CDH20: variants seen among roughly 807,000 people sequenced by gnomAD.
CDH20 encodes the protein cadherin 20.
CDH20 carries 29 observed loss-of-function variants against 74.2 expected under a neutral mutation model. The ratio of observed to expected loss-of-function variants is 0.39; its 90% CI spans 0.29 to 0.53. The LOEUF is 0.53. Ranked by LOEUF, CDH20 falls within the 20% of genes least tolerant of loss-of-function variation. The pLI is 0.69. For missense variants in CDH20, 988 were observed against 1,048.3 expected, an observed-to-expected ratio of 0.94 and a Z score of 0.79; for synonymous variants, 469 against 405.4, an observed-to-expected ratio of 1.16 and a Z score of -1.88.
chr18:61,506,759 A>T (rs997543791), intron 5 of CDH20, among the ~76,000 whole-genome samples: 1 of 152,186 alleles, frequency 6.6e-6, no homozygotes, highest in Admixed American at 6.5e-5. Context: ...AACAAGAAGC[A>T]TGAAGGGTCT....
At chr18:61,502,418 C>G (rs951407409) in intron 4 of CDH20, among the ~76,000 whole-genome samples, 1 of 152,090 alleles carries the variant, frequency 6.6e-6, no homozygotes, top group African/African-American at 2.4e-5. Flanking sequence ...TATGTAACAA[C>G]AGGAAAATCC....
chr18:61,549,585 T>C (rs1913363335), intron 10 of CDH20, among the ~76,000 whole-genome samples: 2 of 152,206 alleles, frequency 1.3e-5, no homozygotes, highest in South Asian at 2.1e-4. Flanking sequence ...AAAGCAGCAC[T>C]GGGGCCTTGG....
rs376558176 is a variant in CDH20, at chr18:61,512,751, T to G, written c.1017+5191T>G. On this transcript the variant is annotated intron_variant, in intron 6 of 11. Transcript: ENST00000262717. ...GAACATCTTTATTTCTGCCTTCATT[T>G]CGTTATGTACCCAGTAGTCATTCAG... Among the ~76,000 whole-genome samples the G allele has an allele frequency of 9.0e-3, 1,342 of 149,472 alleles. 21 individuals are homozygous for G. The highest frequency in any genetic ancestry group is 0.061 in the South Asian group (295 of 4,812).
At chr18:61,344,763 C>G (rs1003771878) in intron 1 of CDH20, among the ~76,000 whole-genome samples, 1 of 152,088 alleles carries the variant, frequency 6.6e-6, no homozygotes, top group Non-Finnish European at 1.5e-5. Flanking sequence ...GGAATTAGAA[C>G]CTAGGTCTCC....
At chr18:61,418,999 T>C (rs893038031) in intron 1 of CDH20, among the ~76,000 whole-genome samples, 1 of 152,208 alleles carries the variant, frequency 6.6e-6, no homozygotes, top group Non-Finnish European at 1.5e-5. Flanking sequence ...ATATATCTTC[T>C]TTCATTTTAA....
chr18:61,543,634 A>C (rs1161807898), intron 9 of CDH20, among the ~76,000 whole-genome samples: 1 of 150,950 alleles, frequency 6.6e-6, no homozygotes, highest in Non-Finnish European at 1.5e-5. Context: ...CCCACTCCAG[A>C]GTTCTGCTTC....
chr18:61,489,554 A>G (rs932941341), intron 1 of CDH20, among the ~76,000 whole-genome samples: 1 of 151,698 alleles, frequency 6.6e-6, no homozygotes, highest in Non-Finnish European at 1.5e-5. Flanking sequence ...ATGTGACCAC[A>G]TAGCAACAAA....
At chr18:61,449,528 A>T (rs188433920) in intron 1 of CDH20, among the ~76,000 whole-genome samples, 470 of 152,244 alleles carry the variant, frequency 3.1e-3, no homozygotes, top group Middle Eastern at 6.8e-3. Context: ...ATGTACACAG[A>T]ATAATATATT....
chr18:61,418,099 C>T (rs905384549), intron 1 of CDH20, among the ~76,000 whole-genome samples: 36 of 152,026 alleles, frequency 2.4e-4, no homozygotes, highest in African/African-American at 1.5e-4. Context: ...AGTATCATAA[C>T]CTTATAAAGT....
intron 1 of CDH20, among the ~76,000 whole-genome samples, chr18:61,360,325 T>C (rs1327210233): frequency 1.3e-5 from 2 of 152,100 alleles, no homozygotes; most frequent in Non-Finnish European, 2.9e-5. Context: ...AAGTTGGCAA[T>C]AGTAGATATT....
chr18:61,392,705 T>C (rs901407583), intron 1 of CDH20, among the ~76,000 whole-genome samples: 7 of 151,100 alleles, frequency 4.6e-5, no homozygotes, highest in African/African-American at 1.2e-4. Flanking sequence ...AAGGAAAGGC[T>C]AGAATAAGGA....
intron 1 of CDH20, among the ~76,000 whole-genome samples, chr18:61,425,846 T>C (rs1210292821): frequency 1.3e-5 from 2 of 152,152 alleles, no homozygotes; most frequent in African/African-American, 4.8e-5. Context: ...CAAAAACTAT[T>C]GAAATACATT....
chr18:61,354,476 A>G (rs4940514), intron 1 of CDH20, among the ~76,000 whole-genome samples: 141,086 of 152,156 alleles, frequency 0.93, 65,771 homozygotes, highest in Non-Finnish European at 0.97. Context: ...GGGCGTGGTA[A>G]TAGGCACCTG....
At chr18:61,554,115 T>C in intron 11 of CDH20, 75 bp from the exon 12 acceptor site, 1 of 1,535,490 alleles carries the variant, frequency 6.5e-7, no homozygotes, top group East Asian at 2.3e-5. Context: ...CCGTGGTGAA[T>C]CAAGACTACT....
chr18:61,426,544 G>T (rs938917683), intron 1 of CDH20, among the ~76,000 whole-genome samples: 1 of 152,082 alleles, frequency 6.6e-6, no homozygotes, highest in Non-Finnish European at 1.5e-5. Flanking sequence ...CCTAAGTAAG[G>T]CTCCCTAACT....
At position 61,545,666 on chromosome 18, in the gene CDH20, C is replaced by A. The variant is rs193009306; in HGVS notation, c.1648+522C>A. 1.4e-3 allele frequency among the ~76,000 whole-genome samples: 210 copies of A among 152,192 alleles called. 3 individuals are homozygous for A. The highest frequency in any genetic ancestry group is 7.1e-3 in the East Asian group (37 of 5,184). ...AAATAAAATACAATAAAATAAAAAACCCCTGGGGGCACATTTCTAGGCAGA... is the reference window on the plus strand; with the variant it reads ...AAATAAAATACAATAAAATAAAAAAACCCTGGGGGCACATTTCTAGGCAGA... On this transcript the variant is annotated intron_variant, in intron 10 of 11. Transcript: ENST00000262717.
At chr18:61,454,523 A>G (rs17068323) in intron 1 of CDH20, among the ~76,000 whole-genome samples, 2,695 of 152,346 alleles carry the variant, frequency 0.018, 45 homozygotes, top group Non-Finnish European at 0.029. Context: ...CTGAAATAAG[A>G]AAGTCTCAAC....
chr18:61,500,589 G>A, intron 4 of CDH20, 87 bp downstream of exon 4: 2 of 1,396,502 alleles, frequency 1.4e-6, no homozygotes, highest in East Asian at 2.3e-5. Flanking sequence ...TCCTTTTTAA[G>A]GACTCTCCAG....
At chr18:61,358,639 C>T (rs1259480993) in intron 1 of CDH20, among the ~76,000 whole-genome samples, 2 of 152,122 alleles carry the variant, frequency 1.3e-5, no homozygotes, top group African/African-American at 4.8e-5. Flanking sequence ...GTTTTCCTGA[C>T]CTGTCCTGAA....
Sources: allele counts gnomAD v4.1 joint callset (sites outside exome capture counted in the v4.1 genomes callset), GRCh38; gene constraint gnomAD v4.1.1; transcripts MANE v1.5; gene names NCBI Gene and HGNC (gene_info 2026-07-23, HGNC 2026-07-21).